BNC2: variants seen among roughly 807,000 people sequenced by gnomAD.
BNC2 encodes the protein zinc finger protein basonuclin-2.
Under a neutral mutation model 76.3 loss-of-function variants are expected in BNC2, and 20 were observed. The observed-to-expected ratio is 0.26, with a 90% confidence interval of 0.18 to 0.38. The LOEUF is 0.38. BNC2 is among the 10% of genes least tolerant of loss of function. The pLI is 1.00. For missense variants in BNC2, 1,382 were observed against 1,399.8 expected (o/e 0.99, Z 0.20); for synonymous variants, 582 against 514.8 (o/e 1.13, Z -1.77).
At chr9:16,595,925 T>C (rs1820055836) in intron 3 of BNC2, among the ~76,000 whole-genome samples, 1 of 152,152 alleles carries the variant, frequency 6.6e-6, no homozygotes, top group Admixed American at 6.6e-5. Flanking sequence ...ACAACGTTAA[T>C]GTCATCTTGG....
At chr9:16,783,101 G>C (rs905267661) in intron 1 of BNC2, among the ~76,000 whole-genome samples, 5 of 151,764 alleles carry the variant, frequency 3.3e-5, no homozygotes, top group Admixed American at 3.3e-4. Context: ...CCAATAACAG[G>C]GTATTAAATA....
At chr9:16,499,808 G>A (rs1434834901) in intron 5 of BNC2, among the ~76,000 whole-genome samples, 1 of 151,926 alleles carries the variant, frequency 6.6e-6, no homozygotes. Context: ...TGGGATTACA[G>A]GCATGAGCTA....
intron 5 of BNC2, among the ~76,000 whole-genome samples, chr9:16,494,600 A>T (rs1275649168): frequency 6.6e-6 from 1 of 152,180 alleles, no homozygotes; most frequent in Non-Finnish European, 1.5e-5. Context: ...TGAAGGCAAA[A>T]TTTTTCAGGG....
chr9:16,478,880 C>T (rs1821984387), intron 5 of BNC2, among the ~76,000 whole-genome samples: 1 of 152,192 alleles, frequency 6.6e-6, no homozygotes, highest in Admixed American at 6.5e-5. Flanking sequence ...AGAAGCATGA[C>T]CCTGATATTA....
intron 5 of BNC2, among the ~76,000 whole-genome samples, chr9:16,486,742 T>G (rs944917748): frequency 2.0e-4 from 31 of 152,174 alleles, no homozygotes; most frequent in African/African-American, 6.7e-4. Flanking sequence ...TTTTTTTTGG[T>G]AGAGACAGGG....
At position 16,437,010 on chromosome 9, in the gene BNC2, G is replaced by A; in HGVS notation, c.1184C>T (p.Pro395Leu). The change falls in exon 6 of 7, where the codon CCC (proline) becomes CTC (leucine). Residue 395 changes from proline (P) to leucine (L), a missense_variant. Transcript: ENST00000380672. ...NALTSITNVEPKTEPACVSPI... is the reference protein window; with the variant it reads ...NALTSITNVELKTEPACVSPI... ...AGAGACACAGGCTGGCTCGGTTTTG[G>A]GCTCCACATTAGTAATGCTGGTCAG... 7 of 1,614,088 alleles carry A rather than the reference G, an allele frequency of 4.3e-6. No homozygotes were observed. Among genetic ancestry groups the A allele is most frequent in the East Asian group, 2.2e-5 (1 of 44,868 alleles).
intron 1 of BNC2, among the ~76,000 whole-genome samples, chr9:16,818,809 GTGCCACAGTGCCTGGAA>G (rs1377702645): frequency 6.6e-6 from 1 of 152,116 alleles, no homozygotes; most frequent in African/African-American, 2.4e-5. Flanking sequence ...TTACAGGCAC[GTGCCACAGTGCCTGGAA>G]TGAATTTTTA....
intron 1 of BNC2, among the ~76,000 whole-genome samples, chr9:16,821,511 G>C (rs1016053050): frequency 3.9e-5 from 6 of 152,154 alleles, no homozygotes; most frequent in African/African-American, 1.2e-4. Context: ...CTTTTGTACA[G>C]ATTTTATATG....
At chr9:16,559,245 T>A (rs1211486793) in intron 4 of BNC2, among the ~76,000 whole-genome samples, 1 of 151,334 alleles carries the variant, frequency 6.6e-6, no homozygotes, top group Non-Finnish European at 1.5e-5. Flanking sequence ...CAATACAAAT[T>A]CATAAACTTT....
rs80023928 is a variant in BNC2 at position 16,830,047 on chromosome 9, A to G, written c.3+40599T>C. 6.0e-3 allele frequency among the ~76,000 whole-genome samples: 917 copies of G among 152,316 alleles called. 8 individuals carry two copies. Among genetic ancestry groups the G allele is most frequent in the African/African-American group, 0.02 (837 of 41,568 alleles). On this transcript the variant is annotated intron_variant, in intron 1 of 6. Transcript: ENST00000380672. ...CACTACATTTCTGCTATAAATGCTT[A>G]TATCTGTGAAAAGCCTAGAAGGTCT...
chr9:16,519,503 C>T (rs944708922), intron 5 of BNC2, among the ~76,000 whole-genome samples: 8 of 152,082 alleles, frequency 5.3e-5, no homozygotes, highest in African/African-American at 9.7e-5. Context: ...TTTGTAGTGG[C>T]GAATGAGCCC....
intron 3 of BNC2, among the ~76,000 whole-genome samples, chr9:16,631,466 C>T (rs968913066): frequency 6.6e-6 from 1 of 152,256 alleles, no homozygotes; most frequent in Non-Finnish European, 1.5e-5. Flanking sequence ...CTGTTAAATA[C>T]GCTTATCCAC....
intron 3 of BNC2, among the ~76,000 whole-genome samples, chr9:16,670,448 G>A (rs1487702425): frequency 2.0e-5 from 3 of 152,078 alleles, no homozygotes; most frequent in African/African-American, 4.8e-5. Context: ...CCAAAGTGCT[G>A]GGATTACAAG....
At chr9:16,547,060 G>A (rs1044154895) in intron 5 of BNC2, among the ~76,000 whole-genome samples, 3 of 152,164 alleles carry the variant, frequency 2.0e-5, no homozygotes, top group African/African-American at 7.2e-5. Context: ...TGTGATCAGG[G>A]GAAAGTCACT....
chr9:16,625,603 C>G (rs944823536), intron 3 of BNC2: 8 of 152,154 alleles, frequency 5.3e-5, no homozygotes, highest in Admixed American at 4.6e-4. Flanking sequence ...AAAAACTGCA[C>G]AGCCGGCTTA....
chr9:16,446,389 A>C (rs1223107514), intron 5 of BNC2, among the ~76,000 whole-genome samples: 1 of 152,162 alleles, frequency 6.6e-6, no homozygotes, highest in African/African-American at 2.4e-5. Context: ...TAGAAGGAAG[A>C]AGCAACATGA....
intron 3 of BNC2, among the ~76,000 whole-genome samples, chr9:16,691,863 T>C (rs929888712): frequency 4.2e-5 from 6 of 141,516 alleles, no homozygotes; most frequent in African/African-American, 1.3e-4. Context: ...CAGGCTGGAG[T>C]GCAGTGGCGC....
At chr9:16,530,887 G>A (rs1817954792) in intron 5 of BNC2, among the ~76,000 whole-genome samples, 1 of 152,166 alleles carries the variant, frequency 6.6e-6, no homozygotes, top group Admixed American at 6.5e-5. Context: ...CAGCTCTGCA[G>A]CAGGGCTCAC....
chr9:16,777,519 T>C lies in BNC2; in HGVS notation c.4-39034A>G, dbSNP rs1311792756. Among the ~76,000 whole-genome samples, 6 of 151,778 alleles carry C rather than the reference T, an allele frequency of 4.0e-5. 1 individual carries two copies. Among genetic ancestry groups the C allele is most frequent in the African/African-American group, 1.2e-4 (5 of 41,346 alleles). On this transcript the variant is annotated intron_variant, in intron 1 of 6. Transcript: ENST00000380672. ...ATCGAGACCATCCTGGCTTACACAG[T>C]GAAACCCCGTCTCCACTAAAAATAC...
Sources: allele counts gnomAD v4.1 joint callset (sites outside exome capture counted in the v4.1 genomes callset), GRCh38; gene constraint gnomAD v4.1.1; transcripts MANE v1.5; gene names NCBI Gene and HGNC (gene_info 2026-07-23, HGNC 2026-07-21).